The following ANK2 variants were observed in gnomAD, a reference collection of about 807,000 sequenced individuals.
ANK2 encodes ankyrin 2.
In ANK2, 83 loss-of-function variants were observed where a neutral mutation model predicts 360.5. The observed-to-expected ratio is 0.23, with a 90% confidence interval of 0.19 to 0.28. The LOEUF is 0.28. Among genes scored for constraint, ANK2 ranks in the 10% least tolerant of loss-of-function variants. The pLI is 1.00. For missense variants in ANK2, 4,201 were observed against 4,795.7 expected (o/e 0.88, Z 3.66); for synonymous variants, 1,740 against 1,759.5 (o/e 0.99, Z 0.28).
At chr4:113,274,018 T>C (rs1282995383) in intron 14 of ANK2, among the ~76,000 whole-genome samples, 1 of 152,144 alleles carries the variant, frequency 6.6e-6, no homozygotes, top group Non-Finnish European at 1.5e-5. Context: ...AAATCAAAGA[T>C]TTTCCAGCAT....
At chr4:113,162,038 C>G (rs2097555953) in intron 1 of ANK2, among the ~76,000 whole-genome samples, 1 of 152,140 alleles carries the variant, frequency 6.6e-6, no homozygotes. Flanking sequence ...CAAGTTCAAT[C>G]CGGTCAAAAC....
chr4:112,836,517 G>T (rs2061022484), intron 1 of ANK2, among the ~76,000 whole-genome samples: 1 of 152,194 alleles, frequency 6.6e-6, no homozygotes, highest in Non-Finnish European at 1.5e-5. Context: ...AGAAGACAGG[G>T]AGATGAAGGA....
chr4:113,248,244 T>C (rs1265627360), intron 9 of ANK2, among the ~76,000 whole-genome samples: 1 of 152,056 alleles, frequency 6.6e-6, no homozygotes, highest in Middle Eastern at 3.2e-3. Context: ...GGTCTATTTA[T>C]AATATTGTGT....
Position 113,354,349 on chromosome 4 carries a change from G to A in ANK2, c.5731G>A (p.Asp1911Asn), listed in dbSNP as rs772418116. The stretch of plus-strand genomic sequence containing the variant: ...ACCTGTTTCGCCTTCAGGCAAAACA[G>A]ACAAACGTCCACCTGTATCGCCCTC... ...HPPVSPSGKTDKRPPVSPSGR... is the reference protein window; with the variant it reads ...HPPVSPSGKTNKRPPVSPSGR... The change falls in exon 38 of 46, where the codon GAC becomes AAC. Residue 1911 changes from aspartate to asparagine, a missense_variant. By Grantham distance (23) the Asp-to-Asn change is conservative. Coordinates refer to ENST00000357077, the MANE Select transcript of ANK2 (RefSeq NM_001148.6). 18 of 1,614,088 alleles carry A rather than the reference G, an allele frequency of 1.1e-5. No homozygotes were observed. Among genetic ancestry groups the A allele is most frequent in the Non-Finnish European group, 1.5e-5 (18 of 1,179,980 alleles).
At chr4:112,772,748 T>C in the ANK2 span, among the ~76,000 whole-genome samples, 1 of 152,130 alleles carries the variant, frequency 6.6e-6, no homozygotes, top group Admixed American at 6.6e-5. Flanking sequence ...CTCAGCAGGA[T>C]GGGTTTTGTA....
chr4:113,307,799 G>C lies in ANK2; in HGVS notation c.2549-3456G>C, dbSNP rs111420313. On this transcript the variant is annotated intron_variant, in intron 23 of 45. Transcript: ENST00000357077. Reference sequence around the variant, plus strand: ...ATCACTGAGGAATCTTGTGTTTTCCGGGTATCAAAACATCAATTGTACATA... The same window carrying C: ...ATCACTGAGGAATCTTGTGTTTTCCCGGTATCAAAACATCAATTGTACATA... Among the ~76,000 whole-genome samples the C allele has an allele frequency of 1.5e-3, 232 of 152,208 alleles. 1 individual carries two copies. The highest frequency in any genetic ancestry group is 5.3e-3 in the African/African-American group (222 of 41,546).
chr4:112,854,515 G>A (rs1223149763), intron 1 of ANK2, among the ~76,000 whole-genome samples: 2 of 152,182 alleles, frequency 1.3e-5, no homozygotes, highest in African/African-American at 4.8e-5. Context: ...AGGGACATGA[G>A]CTGGGAGACT....
At position 113,358,383 on chromosome 4, in the gene ANK2, G is replaced by A; in HGVS notation, c.9765G>A (p.Gln3255=). 1.2e-6 allele frequency: 2 copies of A among 1,614,066 alleles called. No homozygotes were observed. The highest frequency in any genetic ancestry group is 1.7e-6 in the Non-Finnish European group (2 of 1,179,956). Reference sequence around the variant, plus strand: ...CTTCTGAACCAGCTGTACAAGTCCAGTTAGATTTTTCCACACTCACCAGGT... The same window carrying A: ...CTTCTGAACCAGCTGTACAAGTCCAATTAGATTTTTCCACACTCACCAGGT... ...PDSSEPAVQV[Q]LDFSTLTRSV... The change falls in exon 38 of 46, where the codon CAG becomes CAA. Residue 3255 remains glutamine, a synonymous_variant. Transcript: ENST00000357077.
chr4:113,019,475 A>G (rs1269875237), intron 2 of ANK2, among the ~76,000 whole-genome samples: 3 of 152,146 alleles, frequency 2.0e-5, no homozygotes, highest in Non-Finnish European at 4.4e-5. Context: ...TATTCCAGAA[A>G]AAATTGTATT....
In ANK2 at chr4:113,242,102, G is replaced by C. The variant is rs1369361539; in HGVS notation, c.793-9G>C. 1 of 1,610,252 alleles carries C rather than the reference G, an allele frequency of 6.2e-7. No homozygotes were observed. The highest frequency in any genetic ancestry group is 1.7e-4 in the Middle Eastern group (1 of 6,054). ...CCAACAGCTCTTGTTTGGTCTTTCT[G>C]TGGTGTAGAATGGAATCACTCCTCT... is the stretch of plus-strand genomic sequence containing the variant. On this transcript the variant is annotated splice_polypyrimidine_tract_variant and intron_variant, in intron 8 of 45. Coordinates refer to ENST00000357077, the MANE Select transcript of ANK2 (RefSeq NM_001148.6).
chr4:113,277,018 A>C (rs933324796), intron 15 of ANK2, among the ~76,000 whole-genome samples: 1 of 152,180 alleles, frequency 6.6e-6, no homozygotes, highest in Non-Finnish European at 1.5e-5. Flanking sequence ...CATCCTCGAG[A>C]TCTTAGTCCA....
intron 1 of ANK2, among the ~76,000 whole-genome samples, chr4:113,060,078 A>G (rs1561781645): frequency 2.6e-5 from 4 of 152,230 alleles, no homozygotes; most frequent in African/African-American, 4.8e-5. Context: ...GTGTGAAGGA[A>G]TTCTGGTCCT....
rs745883307 is a variant in ANK2 at position 113,354,982 on chromosome 4, A to G, written c.6364A>G (p.Met2122Val). 5 of 1,614,094 alleles carry G rather than the reference A, an allele frequency of 3.1e-6. No homozygotes were observed. In the South Asian group the frequency reaches 3.3e-5, roughly 11 times the overall value. Residue 2122 changes from methionine (M) to valine (V), a missense_variant, in exon 38 of 46, where the codon ATG becomes GTG. This residue lies in a region of ANK2 where 2,642 missense variants were observed against 2,714.5 expected (regional missense o/e 0.97). Coordinates refer to ENST00000357077, the MANE Select transcript of ANK2 (RefSeq NM_001148.6). ...KEKMADEQGDMDLQISPDRKT... is the reference protein window; with the variant it reads ...KEKMADEQGDVDLQISPDRKT... ...AAAGATGGCTGATGAGCAGGGAGAC[A>G]TGGATCTACAGATCAGCCCAGATAG...
chr4:113,210,065 A>C (rs1005794986), intron 4 of ANK2, among the ~76,000 whole-genome samples: 16 of 152,224 alleles, frequency 1.1e-4, no homozygotes, highest in African/African-American at 3.9e-4. Flanking sequence ...AGGGGAACCA[A>C]ACATCTTGTG....
At chr4:112,931,236 G>GCCGTGGAGACCGGAGT (rs2093188972) in intron 2 of ANK2, among the ~76,000 whole-genome samples, 1 of 152,106 alleles carries the variant, frequency 6.6e-6, no homozygotes, top group Non-Finnish European at 1.5e-5. Context: ...GCAGAGCAGG[G>GCCGTGGAGACCGGAGT]CCGTGGAGAC....
intron 2 of ANK2, among the ~76,000 whole-genome samples, chr4:112,973,867 T>C (rs972703075): frequency 2.6e-5 from 4 of 152,188 alleles, no homozygotes; most frequent in Non-Finnish European, 5.9e-5. Flanking sequence ...ACTGGATAGA[T>C]GGCGGAAAGT....
chr4:113,112,025 A>G (rs1366020585), intron 1 of ANK2, among the ~76,000 whole-genome samples: 1 of 152,182 alleles, frequency 6.6e-6, no homozygotes, highest in Non-Finnish European at 1.5e-5. Context: ...GTGTTTGATA[A>G]GAAGATACAA....
chr4:112,912,009 C>T (rs1400903025), intron 2 of ANK2, among the ~76,000 whole-genome samples: 1 of 151,930 alleles, frequency 6.6e-6, no homozygotes, highest in Non-Finnish European at 1.5e-5. Flanking sequence ...AACCCCGTCT[C>T]TACTAAAAAT....
rs1479306846 is a variant in ANK2 at position 112,975,703 on chromosome 4, C to A, written c.21+71189C>A. 3.3e-5 allele frequency among the ~76,000 whole-genome samples: 5 copies of A among 152,094 alleles called. No homozygotes were observed. In the East Asian group the frequency reaches 9.6e-4, roughly 29 times the overall value. The stretch of plus-strand genomic sequence containing the variant: ...CCTTCTTGCAGTCCTCCATTCCTTT[C>A]TTTTTTTGCCCAAATGCTTCCCTTT... On this transcript the variant is annotated intron_variant, in intron 2 of 30. Coordinates refer to the ANK2 transcript ENST00000503271.
Sources: allele counts gnomAD v4.1 joint callset (sites outside exome capture counted in the v4.1 genomes callset), GRCh38; gene constraint gnomAD v4.1.1; regional missense constraint gnomAD v4.1.1; transcripts MANE v1.5; gene names NCBI Gene and HGNC (gene_info 2026-07-23, HGNC 2026-07-21).